Variants in PDE1C observed in about 807,000 individuals in gnomAD.
The protein encoded by PDE1C is dual specificity calcium/calmodulin-dependent 3',5'-cyclic nucleotide phosphodiesterase 1C.
PDE1C carries 62 observed loss-of-function variants against 93.1 expected under a neutral mutation model. The observed-to-expected ratio is 0.67, with a 90% CI of 0.54 to 0.82. The LOEUF (loss-of-function observed/expected upper bound fraction) is 0.82, where lower values mean the gene tolerates loss of function less well. PDE1C is among the 40% of genes least tolerant of loss of function. The pLI is 0.00. For synonymous variants in PDE1C, 325 were observed against 310.1 expected (o/e 1.05, Z -0.50); for missense variants, 742 against 884.6 (o/e 0.84, Z 2.04).
In PDE1C at chr7:31,775,676, G is replaced by A. The variant is rs1795778558; in HGVS notation, c.1948C>T (p.Leu650Phe). Reference sequence around the variant, plus strand: ...GCTGTTTACCCACCTGGCAACGTAAGGCGACACGTGGAGCTGGTGCTTGGG... The same window carrying A: ...GCTGTTTACCCACCTGGCAACGTAAAGCGACACGTGGAGCTGGTGCTTGGG... ...PAPSTSSTCR[L>F]TLPVIKPPLR... The change falls in exon 17 of 18, where the codon CTT becomes TTT. Residue 650 changes from leucine (L) to phenylalanine (F), a missense_variant. Around this residue, in one of 4 missense-constraint regions of PDE1C, gnomAD observed 454 missense variants for 459.4 expected, o/e 0.99. Transcript: ENST00000396191. The A allele has an allele frequency of 2.5e-6, 4 of 1,612,816 alleles. No individual in the cohort carries two copies. The East Asian group carries it at 8.9e-5, about 36-fold the overall frequency.
chr7:32,262,037 G>A (rs1810246082), intron 1 of PDE1C, among the ~76,000 whole-genome samples: 1 of 123,668 alleles, frequency 8.1e-6, no homozygotes. Context: ...TTTTTAATGT[G>A]ACATCTAGTG....
At chr7:31,747,777 G>A (rs76903282), downstream of PDE1C, among the ~76,000 whole-genome samples, 5,258 of 150,476 alleles carry the variant, frequency 0.035, 135 homozygotes, top group African/African-American at 0.068. Context: ...CTCATGCACT[G>A]AGTCTGCCCC....
At chr7:31,773,027 C>T (rs1024909289) in intron 17 of PDE1C, among the ~76,000 whole-genome samples, 1 of 152,210 alleles carries the variant, frequency 6.6e-6, no homozygotes, top group African/African-American at 2.4e-5. Flanking sequence ...GTGAGCACAT[C>T]TGCTAGTGAA....
At chr7:32,143,933 G>T (rs188807435) in intron 3 of PDE1C, among the ~76,000 whole-genome samples, 149 of 152,268 alleles carry the variant, frequency 9.8e-4, no homozygotes, top group African/African-American at 3.3e-3. Flanking sequence ...ACAAGAGCAC[G>T]CATTCTGCCC....
At chr7:32,053,160 C>G (rs186114920) in intron 1 of PDE1C, among the ~76,000 whole-genome samples, 29 of 152,248 alleles carry the variant, frequency 1.9e-4, no homozygotes, top group African/African-American at 6.3e-4. Context: ...TTATTAAATC[C>G]CCCTGAACCT....
intron 2 of PDE1C, among the ~76,000 whole-genome samples, chr7:32,024,252 T>C (rs1313444855): frequency 1.3e-5 from 2 of 152,062 alleles, no homozygotes; most frequent in South Asian, 2.1e-4. Flanking sequence ...CAATCTAAAA[T>C]TGATGAAAAC....
intron 2 of PDE1C, among the ~76,000 whole-genome samples, chr7:31,950,754 C>T (rs1807257869): frequency 6.6e-6 from 1 of 151,944 alleles, no homozygotes. Context: ...TGAACATTAC[C>T]CAGAGAATTT....
chr7:31,866,354 T>G (rs1010960595), intron 6 of PDE1C, among the ~76,000 whole-genome samples: 2 of 152,190 alleles, frequency 1.3e-5, no homozygotes, highest in African/African-American at 4.8e-5. Flanking sequence ...TTCATTACCA[T>G]TTTTAAAAAT....
chr7:31,825,625 T>TA (rs1188892895), intron 12 of PDE1C, among the ~76,000 whole-genome samples: 11 of 152,050 alleles, frequency 7.2e-5, no homozygotes, highest in Non-Finnish European at 1.6e-4. Flanking sequence ...GCAAGATAGA[T>TA]AAGAAGGAAG....
At chr7:32,374,493 G>A (rs1784402184) in intron 1 of PDE1C, among the ~76,000 whole-genome samples, 2 of 152,190 alleles carry the variant, frequency 1.3e-5, no homozygotes, top group South Asian at 4.1e-4. Flanking sequence ...ACTACTCTGA[G>A]GGTGCCAAGC....
chr7:31,800,121 G>A (rs1047602007), intron 16 of PDE1C, among the ~76,000 whole-genome samples: 13 of 151,476 alleles, frequency 8.6e-5, no homozygotes, highest in South Asian at 2.1e-4. Context: ...TAATTGGGTC[G>A]TTTTCTTATT....
At chr7:32,262,501 G>C (rs987412861) in intron 1 of PDE1C, among the ~76,000 whole-genome samples, 3 of 152,200 alleles carry the variant, frequency 2.0e-5, no homozygotes, top group African/African-American at 7.2e-5. Context: ...GGACCTCACA[G>C]GGGTGACTGC....
intron 3 of PDE1C, among the ~76,000 whole-genome samples, chr7:32,099,458 T>C (rs1563312044): frequency 1.3e-5 from 2 of 152,222 alleles, no homozygotes; most frequent in African/African-American, 4.8e-5. Flanking sequence ...AGAAGAAAAA[T>C]GTTGGATTAA....
chr7:32,268,260 T>C (rs937571014), intron 1 of PDE1C, among the ~76,000 whole-genome samples: 3 of 152,190 alleles, frequency 2.0e-5, no homozygotes, highest in Non-Finnish European at 4.4e-5. Flanking sequence ...TGTGGTCTGG[T>C]GACTACAGGG....
chr7:32,173,288 A>T (rs1469259124), intron 2 of PDE1C, among the ~76,000 whole-genome samples: 1 of 152,130 alleles, frequency 6.6e-6, no homozygotes, highest in Non-Finnish European at 1.5e-5. Flanking sequence ...GCATCTTCTC[A>T]TTCATGAGTA....
chr7:31,622,868 A>G, the PDE1C span, among the ~76,000 whole-genome samples: 2 of 152,204 alleles, frequency 1.3e-5, no homozygotes, highest in African/African-American at 4.8e-5. Flanking sequence ...TAGCAAGACT[A>G]ATAAAGAAGA....
chr7:31,794,057 CA>C (rs1784944311), intron 16 of PDE1C, among the ~76,000 whole-genome samples: 1 of 139,328 alleles, frequency 7.2e-6, no homozygotes, highest in African/African-American at 2.8e-5. Flanking sequence ...GACAGACAGA[CA>C]GACAGACAGA....
At chr7:32,054,041 G>C (rs539006998) in intron 1 of PDE1C, among the ~76,000 whole-genome samples, 198 of 152,124 alleles carry the variant, frequency 1.3e-3, no homozygotes, top group African/African-American at 4.6e-3. Flanking sequence ...GGACTATAAA[G>C]TGAGGTAGCA....
In PDE1C at chr7:32,409,108, C is replaced by T. The variant is rs952200626; in HGVS notation, c.310+18714G>A. Among the ~76,000 whole-genome samples the T allele has an allele frequency of 1.1e-4, 16 of 152,248 alleles. No individual in the cohort carries two copies. The South Asian group carries it at 1.5e-3, about 14-fold the overall frequency. On this transcript the variant is annotated intron_variant, in intron 1 of 1. Transcript: ENST00000672256. ...AAAGGCCAGGCATAGTGGCTCATGC[C>T]TGTAATCCTAGGCCAAGGTGGGCAG...
Sources: allele counts gnomAD v4.1 joint callset (sites outside exome capture counted in the v4.1 genomes callset), GRCh38; gene constraint gnomAD v4.1.1; regional missense constraint gnomAD v4.1.1; transcripts MANE v1.5; gene names NCBI Gene and HGNC (gene_info 2026-07-23, HGNC 2026-07-21).